TMEM132C: variants seen among roughly 807,000 people sequenced by gnomAD.
TMEM132C encodes protein phosphatase 1, regulatory subunit 152.
A neutral mutation model predicts 61.4 loss-of-function variants in TMEM132C; 29 were observed. The observed-to-expected ratio is 0.47, with a 90% confidence interval of 0.35 to 0.64. The LOEUF is 0.64. TMEM132C is among the 30% of genes least tolerant of loss of function. The probability of loss-of-function intolerance (pLI) is 0.00; values close to 1 mark genes in which losing one functional copy is unlikely to be tolerated. For synonymous variants in TMEM132C, 656 were observed against 633.1 expected, an observed-to-expected ratio of 1.04 and a Z score of -0.54; for missense variants, 1,408 against 1,476.9, an observed-to-expected ratio of 0.95 and a Z score of 0.76.
At chr12:128,524,324 T>G (rs1007933550) in intron 2 of TMEM132C, among the ~76,000 whole-genome samples, 2 of 152,152 alleles carry the variant, frequency 1.3e-5, no homozygotes, top group African/African-American at 4.8e-5. Context: ...AACGGTGGCA[T>G]AAACCATCTC....
At chr12:128,350,296 G>A (rs997757501) in intron 1 of TMEM132C, among the ~76,000 whole-genome samples, 2 of 152,090 alleles carry the variant, frequency 1.3e-5, no homozygotes, top group Non-Finnish European at 2.9e-5. Flanking sequence ...TTGGGTGCGG[G>A]ACTAGATGGC....
chr12:128,379,771 A>G (rs1049607656), intron 1 of TMEM132C, among the ~76,000 whole-genome samples: 1 of 152,226 alleles, frequency 6.6e-6, no homozygotes, highest in Non-Finnish European at 1.5e-5. Context: ...AAATAACGCC[A>G]CATTTGCATG....
intron 5 of TMEM132C, among the ~76,000 whole-genome samples, chr12:128,687,870 A>G (rs1197466012): frequency 6.6e-6 from 1 of 152,146 alleles, no homozygotes; most frequent in Non-Finnish European, 1.5e-5. Context: ...ATGAGTTTGG[A>G]GGATGCAGAC....
intron 1 of TMEM132C, among the ~76,000 whole-genome samples, chr12:128,333,156 G>A (rs761863630): frequency 1.3e-5 from 2 of 151,472 alleles, no homozygotes; most frequent in Non-Finnish European, 2.9e-5. Context: ...GCATGTATGT[G>A]TGTTGTGTGT....
chr12:128,551,409 C>T (rs1308331200), intron 3 of TMEM132C, among the ~76,000 whole-genome samples: 2 of 152,170 alleles, frequency 1.3e-5, no homozygotes, highest in Non-Finnish European at 2.9e-5. Context: ...ACAGCTAGCA[C>T]CTGCTCCATA....
At chr12:128,323,660 G>A (rs931606440) in intron 1 of TMEM132C, among the ~76,000 whole-genome samples, 2 of 152,192 alleles carry the variant, frequency 1.3e-5, no homozygotes, top group African/African-American at 2.4e-5. Flanking sequence ...CAATAAGCAC[G>A]GTAACAGAGT....
chr12:128,366,432 C>T (rs1324707471), intron 1 of TMEM132C, among the ~76,000 whole-genome samples: 1 of 152,188 alleles, frequency 6.6e-6, no homozygotes, highest in Non-Finnish European at 1.5e-5. Flanking sequence ...CATGCAGCCA[C>T]CCTTAATGAC....
chr12:128,368,753 GTT>G (rs1873944678), intron 1 of TMEM132C, among the ~76,000 whole-genome samples: 1 of 152,148 alleles, frequency 6.6e-6, no homozygotes, highest in Non-Finnish European at 1.5e-5. Context: ...ACTGTTTTAT[GTT>G]TTTTATCTCA....
chr12:128,364,338 TCTCA>T (rs1281348234), intron 1 of TMEM132C, among the ~76,000 whole-genome samples: 1 of 140,608 alleles, frequency 7.1e-6, no homozygotes, highest in Non-Finnish European at 1.5e-5. Flanking sequence ...CCCGCATCAT[TCTCA>T]CTCAGTCACA....
At position 128,278,750 on chromosome 12, in the gene TMEM132C, ATG is replaced by A. The variant is rs35003496; in HGVS notation, c.85+11299_85+11300del. 0.12 allele frequency among the ~76,000 whole-genome samples: 16,908 copies of A among 136,706 alleles called. 1,296 individuals are homozygous for A. The highest frequency in any genetic ancestry group is 0.24 in the African/African-American group (8,942 of 37,498). The allele number at this position is 136,706 out of a possible 152,430, so 89.7% of individuals were successfully genotyped here. ...TGTGCAGACTTGATTCTATACGTGT[ATG>A]TGTGTGTGTGTGTGTGTGTGTGTGT... On this transcript the variant is annotated intron_variant, in intron 1 of 8. Transcript: ENST00000435159. This position sits in a 1 kb window ranked among gnomAD's most constrained non-coding sequence, Gnocchi z 4.2.
chr12:128,462,245 G>A (rs1870556432), intron 2 of TMEM132C, among the ~76,000 whole-genome samples: 1 of 152,066 alleles, frequency 6.6e-6, no homozygotes, highest in African/African-American at 2.4e-5. Flanking sequence ...AGCTAGGATT[G>A]CAAGTGCCAG....
At chr12:128,478,531 A>G (rs941543153) in intron 2 of TMEM132C, among the ~76,000 whole-genome samples, 7 of 152,174 alleles carry the variant, frequency 4.6e-5, no homozygotes, top group African/African-American at 1.7e-4. Context: ...CTTTATCCCA[A>G]TGAGTAGAGT....
At chr12:128,603,932 A>G (rs1876298996) in intron 3 of TMEM132C, among the ~76,000 whole-genome samples, 1 of 152,150 alleles carries the variant, frequency 6.6e-6, no homozygotes, top group African/African-American at 2.4e-5. Flanking sequence ...GAAGAACCCC[A>G]CTTGTGGTTG....
intron 5 of TMEM132C, among the ~76,000 whole-genome samples, chr12:128,674,957 A>T (rs1954569114): frequency 6.6e-6 from 1 of 151,512 alleles, no homozygotes; most frequent in South Asian, 2.1e-4. Context: ...CACTTCCATT[A>T]TCTGCTTGGC....
At chr12:128,509,488 G>A (rs1013663985) in intron 2 of TMEM132C, among the ~76,000 whole-genome samples, 1 of 152,192 alleles carries the variant, frequency 6.6e-6, no homozygotes, top group African/African-American at 2.4e-5. Context: ...ACAAGATAAA[G>A]CAAACAGGTG....
intron 2 of TMEM132C, among the ~76,000 whole-genome samples, chr12:128,507,729 G>A (rs1872423690): frequency 6.6e-6 from 1 of 152,166 alleles, no homozygotes; most frequent in South Asian, 2.1e-4. Flanking sequence ...AATTTTTGAT[G>A]AAGTGAGCAA....
intron 1 of TMEM132C, among the ~76,000 whole-genome samples, chr12:128,330,835 G>T (rs1593013472): frequency 6.6e-6 from 1 of 152,072 alleles, no homozygotes; most frequent in Non-Finnish European, 1.5e-5. Context: ...AGAAACATCA[G>T]ATTTTTATAT....
intron 3 of TMEM132C, among the ~76,000 whole-genome samples, chr12:128,596,063 C>A (rs1336952649): frequency 6.6e-6 from 1 of 152,110 alleles, no homozygotes; most frequent in East Asian, 1.9e-4. Context: ...TGGGCTGCCC[C>A]TTTTGCAGGT....
chr12:128,686,007 C>T (rs965282359), intron 5 of TMEM132C, among the ~76,000 whole-genome samples: 1 of 151,502 alleles, frequency 6.6e-6, no homozygotes, highest in Non-Finnish European at 1.5e-5. Flanking sequence ...AAGTCCATCT[C>T]TTCCTGTGTG....
Sources: gnomAD v4.1 joint callset for allele counts (sites outside exome capture counted in the v4.1 genomes callset) on GRCh38, gnomAD v4.1.1 for gene constraint, Gnocchi (gnomAD v3.1) non-coding constraint, MANE v1.5 for transcripts, NCBI Gene and HGNC (gene_info 2026-07-23, HGNC 2026-07-21) for gene names.